The following SNPH variants were observed in gnomAD, a reference collection of about 807,000 sequenced individuals.
SNPH encodes syntaphilin.
SNPH carries 10 observed loss-of-function variants against 36.8 expected under a neutral mutation model. The ratio of observed to expected loss-of-function variants is 0.27; its 90% CI spans 0.17 to 0.46. The LOEUF (loss-of-function observed/expected upper bound fraction) is 0.46. Ranked by LOEUF, SNPH falls within the 20% of genes least tolerant of loss-of-function variation. The pLI is 1.00. For missense variants in SNPH, 622 were observed against 744.0 expected, an observed-to-expected ratio of 0.84 and a Z score of 1.91; for synonymous variants, 281 against 312.2, an observed-to-expected ratio of 0.90 and a Z score of 1.05.
intron 2 of SNPH, among the ~76,000 whole-genome samples, chr20:1,286,781 G>T (rs1236456660): frequency 6.6e-6 from 1 of 152,152 alleles, no homozygotes. Flanking sequence ...GGTTTTATGT[G>T]GTTTCTTGTT....
chr20:1,282,096 G>A (rs564843077), intron 2 of SNPH, among the ~76,000 whole-genome samples: 41 of 152,338 alleles, frequency 2.7e-4, no homozygotes, highest in Middle Eastern at 3.4e-3. Context: ...CTGGTGGTTT[G>A]ATCAAGTAGA....
rs1440944319 is a variant in SNPH, at chr20:1,266,939, C to G, written c.-493+179C>G. On this transcript the variant is annotated intron_variant, in intron 2 of 6. Coordinates refer to ENST00000381867, the MANE Select transcript of SNPH (RefSeq NM_001318234.2). This position sits in a 1 kb window ranked among gnomAD's most constrained non-coding sequence, Gnocchi z 6.0. ...TACATCCCTTTAAGCGCTTCCCTCCCTCCCCCTCCCTGAAATGTAAGAATT... is the reference window on the plus strand; with the variant it reads ...TACATCCCTTTAAGCGCTTCCCTCCGTCCCCCTCCCTGAAATGTAAGAATT... Among the ~76,000 whole-genome samples, 5 of 152,198 alleles carry G rather than the reference C, an allele frequency of 3.3e-5. No homozygotes were observed. The highest frequency in any genetic ancestry group is 6.5e-5 in the Admixed American group (1 of 15,288).
At chr20:1,268,441 T>G (rs2088033712) in intron 2 of SNPH, among the ~76,000 whole-genome samples, 1 of 152,176 alleles carries the variant, frequency 6.6e-6, no homozygotes, top group Admixed American at 6.5e-5. Context: ...TATTTTCGAT[T>G]CTTTATCTTC....
In SNPH at chr20:1,297,281, C is replaced by A. The variant is rs201884279; in HGVS notation, c.290+29C>A. The A allele has an allele frequency of 2.4e-5, 38 of 1,599,436 alleles. No homozygotes were observed. In the African/African-American group the frequency reaches 4.4e-4, roughly 19 times the overall value. ...ATTGGCCCCTCCTCTCTGGGCCTGGCCCTGCTGGCTGGGAACAGGTTGTCC... is the reference window on the plus strand; with the variant it reads ...ATTGGCCCCTCCTCTCTGGGCCTGGACCTGCTGGCTGGGAACAGGTTGTCC... On this transcript the variant is annotated intron_variant, in intron 5 of 6. Transcript: ENST00000381867.
In SNPH at chr20:1,276,737, C is replaced by A. The variant is rs1244735602; in HGVS notation, c.-493+9977C>A. Among the ~76,000 whole-genome samples the A allele has an allele frequency of 6.6e-6, 1 of 152,214 alleles. No homozygotes were observed. The highest frequency in any genetic ancestry group is 2.4e-5 in the African/African-American group (1 of 41,440). On this transcript the variant is annotated intron_variant, in intron 2 of 6. Transcript: ENST00000381867. The surrounding 1 kb of genome is among the most constrained non-coding windows in gnomAD (Gnocchi z 4.6). Reference sequence around the variant, plus strand: ...CTTTCCCAAAGTGCCAACACATCTTCATTTGGCAGTGAGCTCCCTCCTCAC... The same window carrying A: ...CTTTCCCAAAGTGCCAACACATCTTAATTTGGCAGTGAGCTCCCTCCTCAC...
chr20:1,300,281 C>G (rs6033370), intron 5 of SNPH, among the ~76,000 whole-genome samples: 47,804 of 152,084 alleles, frequency 0.31, 7,990 homozygotes, highest in African/African-American at 0.42. Context: ...TGGCCTGGTT[C>G]CAGGTTTACA....
chr20:1,301,204 G>A (rs886434219), intron 6 of SNPH, among the ~76,000 whole-genome samples: 1 of 152,182 alleles, frequency 6.6e-6, no homozygotes, highest in Non-Finnish European at 1.5e-5. Flanking sequence ...CTGCTGTGGA[G>A]GATGATGATG....
At chr20:1,273,479 T>C (rs946319129) in intron 2 of SNPH, among the ~76,000 whole-genome samples, 1 of 152,236 alleles carries the variant, frequency 6.6e-6, no homozygotes, top group African/African-American at 2.4e-5. Context: ...GGATCTGCTG[T>C]ACACACAGGC....
intron 2 of SNPH, among the ~76,000 whole-genome samples, chr20:1,269,457 A>G (rs1177685276): frequency 6.6e-6 from 1 of 152,234 alleles, no homozygotes; most frequent in Admixed American, 6.5e-5. Flanking sequence ...TTGCGCGGCT[A>G]GAACTGCTAT....
In SNPH at chr20:1,266,608, C is replaced by A; in HGVS notation, c.-599-46C>A. On this transcript the variant is annotated intron_variant, in intron 1 of 6. Coordinates refer to ENST00000381867, the MANE Select transcript of SNPH (RefSeq NM_001318234.2). This position sits in a 1 kb window ranked among gnomAD's most constrained non-coding sequence, Gnocchi z 6.0. Reference sequence around the variant, plus strand: ...GGCTCAGCTGCCTGGGTGTTCCCCGCCCGCGCTCACCCGCCCCGGTCTATC... The same window carrying A: ...GGCTCAGCTGCCTGGGTGTTCCCCGACCGCGCTCACCCGCCCCGGTCTATC... 1 of 1,431,876 alleles carries A rather than the reference C, an allele frequency of 7.0e-7. No homozygotes were observed. The highest frequency in any genetic ancestry group is 9.1e-7 in the Non-Finnish European group (1 of 1,097,638). 88.7% of individuals were successfully genotyped at this position (1,431,876 alleles called of 1,614,324 possible). A position where few individuals can be genotyped will look rare whatever the true frequency, so the allele number is the denominator to read the frequency against.
In SNPH at chr20:1,295,824, G is replaced by A. The variant is rs2088423297; in HGVS notation, c.-416G>A. Reference sequence around the variant, plus strand: ...CAACTGGGAAGTTGATGGTCGGCGAGACCAGCCCATCCTAATTTGGGGTTC... The same window carrying A: ...CAACTGGGAAGTTGATGGTCGGCGAAACCAGCCCATCCTAATTTGGGGTTC... On this transcript the variant is annotated 5_prime_UTR_variant, in exon 4 of 7. Coordinates refer to ENST00000381867, the MANE Select transcript of SNPH (RefSeq NM_001318234.2). 1 of 176,612 alleles carries A rather than the reference G, an allele frequency of 5.7e-6. No individual in the cohort carries two copies. Among genetic ancestry groups the A allele is most frequent in the Non-Finnish European group, 1.2e-5 (1 of 85,012 alleles). The allele number at this position is 176,612 out of a possible 1,614,324, so 10.9% of individuals were successfully genotyped here.
intron 4 of SNPH, 152 bp from the exon 5 acceptor site, chr20:1,296,993 C>G (rs1215427732): frequency 3.0e-6 from 4 of 1,354,138 alleles, no homozygotes; most frequent in Non-Finnish European, 3.9e-6. Flanking sequence ...TTCTGTCACC[C>G]CTGTCTGTGC....
At chr20:1,289,512 TAC>T (rs56289024) in intron 2 of SNPH, among the ~76,000 whole-genome samples, 7,581 of 137,368 alleles carry the variant, frequency 0.055, 208 homozygotes, top group African/African-American at 0.07. Flanking sequence ...TTCATTTAAA[TAC>T]ACACACACAC....
intron 2 of SNPH, among the ~76,000 whole-genome samples, chr20:1,267,574 A>T (rs2088023635): frequency 6.6e-6 from 1 of 152,212 alleles, no homozygotes; most frequent in Non-Finnish European, 1.5e-5. Flanking sequence ...TAGCCATTTT[A>T]AAATTCTCTA....
chr20:1,273,059 C>G (rs985360539), intron 2 of SNPH, among the ~76,000 whole-genome samples: 1 of 152,212 alleles, frequency 6.6e-6, no homozygotes, highest in Non-Finnish European at 1.5e-5. Context: ...CTGGCAGGTC[C>G]TCAGTGGGTG....
At chr20:1,284,271 C>G (rs79455830) in intron 2 of SNPH, among the ~76,000 whole-genome samples, 151 of 152,234 alleles carry the variant, frequency 9.9e-4, no homozygotes, top group Middle Eastern at 3.4e-3. Flanking sequence ...TTCTTCCCCC[C>G]CTTTTGTTGA....
At position 1,304,915 on chromosome 20, in the gene SNPH, C is replaced by T. The variant is rs756597097; in HGVS notation, c.478C>T (p.Arg160Cys). ...TGATGACCTGAAGACGCAGCTGTCA[C>T]GCATGCAGGAGGACTGGATTGAGGA... ...EIDDLKTQLSRMQEDWIEEEC... is the reference protein window; with the variant it reads ...EIDDLKTQLSCMQEDWIEEEC... The change falls in exon 7 of 7, where the codon CGC (arginine) becomes TGC (cysteine). Residue 160 changes from arginine (R) to cysteine (C), a missense_variant. Physicochemically the swap from Arg to Cys is radical, Grantham distance 180. This residue lies in a region of SNPH where 56 missense variants were observed against 106.6 expected (regional missense o/e 0.53). Coordinates refer to ENST00000381867, the MANE Select transcript of SNPH (RefSeq NM_001318234.2). This position sits in a 1 kb window ranked among gnomAD's most constrained non-coding sequence, Gnocchi z 4.3. 5.6e-6 allele frequency: 9 copies of T among 1,613,464 alleles called. No individual in the cohort carries two copies. Among genetic ancestry groups the T allele is most frequent in the Middle Eastern group, 1.6e-4 (1 of 6,062 alleles).
chr20:1,271,950 C>T (rs143833989), intron 2 of SNPH, among the ~76,000 whole-genome samples: 18 of 152,292 alleles, frequency 1.2e-4, no homozygotes, highest in African/African-American at 3.4e-4. Context: ...AATCCATCCT[C>T]GGTTAGCTAG....
At chr20:1,293,362 C>T (rs537658887) in intron 2 of SNPH, among the ~76,000 whole-genome samples, 7 of 152,176 alleles carry the variant, frequency 4.6e-5, no homozygotes, top group African/African-American at 7.2e-5. Flanking sequence ...GCTGGGTTTA[C>T]TCTGGGGTTA....
Sources: allele counts gnomAD v4.1 joint callset (sites outside exome capture counted in the v4.1 genomes callset), GRCh38; gene constraint gnomAD v4.1.1; regional missense constraint gnomAD v4.1.1; non-coding constraint Gnocchi (gnomAD v3.1); transcripts MANE v1.5; gene names NCBI Gene and HGNC (gene_info 2026-07-23, HGNC 2026-07-21).